EPHA6: variants seen among roughly 807,000 people sequenced by gnomAD.
EPHA6 encodes ephrin type-A receptor 6.
A neutral mutation model predicts 112.0 loss-of-function variants in EPHA6; 50 were observed. The ratio of observed to expected loss-of-function variants is 0.45; its 90% CI spans 0.36 to 0.56. The LOEUF is 0.56. Ranked by LOEUF, EPHA6 falls within the 20% of genes least tolerant of loss-of-function variation. The pLI is 0.00. For synonymous variants in EPHA6, 529 were observed against 490.7 expected (o/e 1.08, Z -1.03); for missense variants, 1,280 against 1,417.4 (o/e 0.90, Z 1.56).
intron 5 of EPHA6, among the ~76,000 whole-genome samples, chr3:97,393,603 T>A (rs1364060776): frequency 6.6e-6 from 1 of 151,820 alleles, no homozygotes; most frequent in Non-Finnish European, 1.5e-5. Context: ...GAGTTTTCTG[T>A]GCAAACGTTT....
intron 2 of EPHA6, among the ~76,000 whole-genome samples, chr3:96,920,379 G>A (rs1256601593): frequency 6.6e-6 from 1 of 151,882 alleles, no homozygotes; most frequent in Non-Finnish European, 1.5e-5. Flanking sequence ...ACAGTTTAGG[G>A]AAAGTAGCAA....
At chr3:97,616,359 C>A (rs1039494084) in intron 13 of EPHA6, among the ~76,000 whole-genome samples, 11 of 152,110 alleles carry the variant, frequency 7.2e-5, no homozygotes, top group African/African-American at 2.7e-4. Flanking sequence ...CTCAAAAAGC[C>A]AGAGTGTCCT....
intron 13 of EPHA6, among the ~76,000 whole-genome samples, chr3:97,634,797 G>A (rs1216881385): frequency 6.6e-6 from 1 of 152,046 alleles, no homozygotes; most frequent in Non-Finnish European, 1.5e-5. Context: ...TGAAGGCACT[G>A]AACTGTAACC....
intron 3 of EPHA6, among the ~76,000 whole-genome samples, chr3:97,069,075 C>T (rs760745160): frequency 6.6e-6 from 1 of 152,098 alleles, no homozygotes; most frequent in Non-Finnish European, 1.5e-5. Context: ...GTGCTGTTGC[C>T]TGCACAGTTG....
intron 9 of EPHA6, among the ~76,000 whole-genome samples, chr3:97,483,028 G>A (rs2091599989): frequency 6.6e-6 from 1 of 152,158 alleles, no homozygotes; most frequent in Admixed American, 6.5e-5. Flanking sequence ...CGAGGCAGGA[G>A]GATCACTTGA....
chr3:97,481,509 C>A (rs2034940), intron 9 of EPHA6: 111,923 of 1,021,558 alleles, frequency 0.11, 8,098 homozygotes, highest in Admixed American at 0.31. Flanking sequence ...GTTCTTCCTC[C>A]GGCGCGGGGC....
At chr3:96,971,746 T>C (rs1242134477) in intron 2 of EPHA6, among the ~76,000 whole-genome samples, 1 of 152,130 alleles carries the variant, frequency 6.6e-6, no homozygotes, top group Non-Finnish European at 1.5e-5. Context: ...TTAGTTTATT[T>C]GGCTTATGCA....
At chr3:96,828,550 A>G (rs1304000267) in intron 1 of EPHA6, among the ~76,000 whole-genome samples, 4 of 152,096 alleles carry the variant, frequency 2.6e-5, no homozygotes, top group Non-Finnish European at 5.9e-5. Flanking sequence ...CTTTGTTTTT[A>G]TGAGTGCTTA....
At chr3:97,076,654 C>T (rs967032407) in intron 3 of EPHA6, among the ~76,000 whole-genome samples, 2 of 152,148 alleles carry the variant, frequency 1.3e-5, no homozygotes, top group Non-Finnish European at 2.9e-5. Flanking sequence ...GAAGAGGATG[C>T]TCTCTAGAAC....
chr3:97,613,013 G>GGT (rs2093733284), intron 13 of EPHA6, among the ~76,000 whole-genome samples: 2 of 151,754 alleles, frequency 1.3e-5, no homozygotes, highest in African/African-American at 4.8e-5. Context: ...ATCTCCTCAT[G>GGT]GTGTGTGTCC....
chr3:97,548,734 C>T (rs2092991678), intron 11 of EPHA6, among the ~76,000 whole-genome samples: 1 of 152,136 alleles, frequency 6.6e-6, no homozygotes, highest in African/African-American at 2.4e-5. Context: ...CGCAAGCACC[C>T]TAGTTGGTTT....
intron 2 of EPHA6, among the ~76,000 whole-genome samples, chr3:96,869,672 TA>T (rs1486267157): frequency 3.3e-5 from 5 of 152,080 alleles, no homozygotes; most frequent in Non-Finnish European, 7.4e-5. Flanking sequence ...AGTTAACTTT[TA>T]AAACCTATGT....
chr3:97,019,211 G>T (rs1194512751), intron 3 of EPHA6, among the ~76,000 whole-genome samples: 1 of 152,046 alleles, frequency 6.6e-6, no homozygotes, highest in Non-Finnish European at 1.5e-5. Context: ...TCGGTCCCTT[G>T]CCTTGGCACC....
rs1318332841 is a variant in EPHA6 at position 97,753,523 on chromosome 3, C to T, written c.*4822C>T. Among the ~76,000 whole-genome samples, 1 of 152,120 alleles carries T rather than the reference C, an allele frequency of 6.6e-6. No homozygotes were observed. Among genetic ancestry groups the T allele is most frequent in the Non-Finnish European group, 1.5e-5 (1 of 68,016 alleles). On this transcript the variant is annotated 3_prime_UTR_variant, in exon 18 of 18. Coordinates refer to ENST00000389672, the MANE Select transcript of EPHA6 (RefSeq NM_001080448.3). ...CAGTTTCTCTCATTAACAGTTGATC[C>T]TCTTCAGGAGTCACAGATTTTTATT...
intron 15 of EPHA6, among the ~76,000 whole-genome samples, chr3:97,732,519 A>C (rs1212474981): frequency 6.6e-6 from 1 of 152,092 alleles, no homozygotes; most frequent in Non-Finnish European, 1.5e-5. Flanking sequence ...TTAAGTGTTT[A>C]ATATCTATCC....
intron 11 of EPHA6, among the ~76,000 whole-genome samples, chr3:97,543,631 G>T (rs1259241300): frequency 4.6e-5 from 7 of 152,152 alleles, no homozygotes; most frequent in Non-Finnish European, 8.8e-5. Flanking sequence ...ATTCTGTGAA[G>T]AAAGTCGTTG....
Position 97,475,738 on chromosome 3 carries a change from C to T in EPHA6, c.2003+278C>T, listed in dbSNP as rs558003165. ...TTTTTCCTTTACTATAATCAAATTACATCATAAAAAATAATTTTCTTAAAA... is the reference window on the plus strand; with the variant it reads ...TTTTTCCTTTACTATAATCAAATTATATCATAAAAAATAATTTTCTTAAAA... On this transcript the variant is annotated intron_variant, in intron 8 of 17. Coordinates refer to ENST00000389672, the MANE Select transcript of EPHA6 (RefSeq NM_001080448.3). Among the ~76,000 whole-genome samples, 20 of 152,054 alleles carry T rather than the reference C, an allele frequency of 1.3e-4. No individual in the cohort carries two copies. In the East Asian group the frequency reaches 3.7e-3, roughly 28 times the overall value.
At chr3:97,058,423 A>C (rs1001655215) in intron 3 of EPHA6, among the ~76,000 whole-genome samples, 2 of 151,990 alleles carry the variant, frequency 1.3e-5, no homozygotes, top group African/African-American at 4.8e-5. Context: ...TCAGACTCTC[A>C]AGTATCTGGG....
intron 1 of EPHA6, among the ~76,000 whole-genome samples, chr3:96,838,638 TA>T (rs1422442819): frequency 6.6e-6 from 1 of 152,108 alleles, no homozygotes; most frequent in Non-Finnish European, 1.5e-5. Flanking sequence ...ATATATCAAT[TA>T]AAAGGTCTCT....
Sources: allele counts gnomAD v4.1 joint callset (sites outside exome capture counted in the v4.1 genomes callset), GRCh38; gene constraint gnomAD v4.1.1; transcripts MANE v1.5; gene names NCBI Gene and HGNC (gene_info 2026-07-23, HGNC 2026-07-21).